The following STRN variants were observed in gnomAD, a reference collection of about 807,000 sequenced individuals.
STRN encodes the protein striatin.
Under a neutral mutation model 96.3 loss-of-function variants are expected in STRN, and 53 were observed. The ratio of observed to expected loss-of-function variants is 0.55; its 90% confidence interval spans 0.44 to 0.69. The LOEUF (loss-of-function observed/expected upper bound fraction) is 0.69. Among genes scored for constraint, STRN ranks in the 30% least tolerant of loss-of-function variants. The pLI, the probability that STRN is intolerant of heterozygous loss-of-function variation, is 0.00. For synonymous variants in STRN, 428 were observed against 355.9 expected (o/e 1.20, Z -2.28); for missense variants, 987 against 963.9 (o/e 1.02, Z -0.32).
chr2:36,909,213 T>G (rs1051629062), intron 3 of STRN, among the ~76,000 whole-genome samples: 3 of 150,510 alleles, frequency 2.0e-5, no homozygotes, highest in African/African-American at 7.3e-5. Flanking sequence ...GTCAAATAGC[T>G]CTTATATTTC....
At chr2:36,919,987 T>C (rs1411591493) in intron 2 of STRN, among the ~76,000 whole-genome samples, 1 of 152,210 alleles carries the variant, frequency 6.6e-6, no homozygotes, top group Non-Finnish European at 1.5e-5. Context: ...GGTTTTACTT[T>C]TGGATCCTAA....
In STRN at chr2:36,902,664, G is replaced by C; in HGVS notation, c.579C>G (p.Val193=). The C allele has an allele frequency of 6.2e-7, 1 of 1,612,222 alleles. No homozygotes were observed. Among genetic ancestry groups the C allele is most frequent in the Non-Finnish European group, 8.5e-7 (1 of 1,178,704 alleles). The part of the protein sequence containing the change: ...VRALLGFSSD[V]TDREDDKNQD... ...GATTTTTGTCATCTTCCCTGTCCGT[G>C]ACATCACTTGAAAAGCCCAACAAAG... The change falls in exon 5 of 18, where the codon GTC becomes GTG. Residue 193 remains valine, a synonymous_variant. Transcript: ENST00000263918.
Position 36,883,683 on chromosome 2 carries a change from T to G in STRN, c.1186+249A>C, listed in dbSNP as rs1380379975. On this transcript the variant is annotated intron_variant, in intron 9 of 17. Transcript: ENST00000263918. ...GTATATATAGGGCCATGGGCATCAGTGGAGCCAGCGGATATTTTAAACCAG... is the reference window on the plus strand; with the variant it reads ...GTATATATAGGGCCATGGGCATCAGGGGAGCCAGCGGATATTTTAAACCAG... 3.9e-5 allele frequency among the ~76,000 whole-genome samples: 6 copies of G among 152,208 alleles called. No individual in the cohort carries two copies. The East Asian group carries it at 1.2e-3, about 29-fold the overall frequency.
At chr2:36,866,672 T>C (rs1217416482) in intron 12 of STRN, among the ~76,000 whole-genome samples, 2 of 152,216 alleles carry the variant, frequency 1.3e-5, no homozygotes, top group African/African-American at 4.8e-5. Context: ...ATAAATCTTT[T>C]TGACAGTCTC....
At chr2:36,873,352 C>T (rs746841042) in intron 10 of STRN, among the ~76,000 whole-genome samples, 1 of 152,074 alleles carries the variant, frequency 6.6e-6, no homozygotes, top group African/African-American at 2.4e-5. Context: ...TGAGCAGAAA[C>T]AACACATAAC....
chr2:36,924,157 C>A (rs1670338681), intron 2 of STRN, among the ~76,000 whole-genome samples: 1 of 152,092 alleles, frequency 6.6e-6, no homozygotes, highest in South Asian at 2.1e-4. Flanking sequence ...GAGATCAAGA[C>A]CATCCTGGCT....
At chr2:36,900,277 C>T (rs1042079363) in intron 5 of STRN, among the ~76,000 whole-genome samples, 1 of 152,102 alleles carries the variant, frequency 6.6e-6, no homozygotes, top group African/African-American at 2.4e-5. Flanking sequence ...TAATGTATTT[C>T]ATTTTAAAAA....
intron 1 of STRN, among the ~76,000 whole-genome samples, chr2:36,937,051 A>G (rs1670718217): frequency 6.6e-6 from 1 of 152,206 alleles, no homozygotes; most frequent in Admixed American, 6.5e-5. Context: ...CTCAGTTAAA[A>G]AGAAAAAGAG....
chr2:36,947,780 T>A (rs984195800), intron 1 of STRN, among the ~76,000 whole-genome samples: 1 of 151,838 alleles, frequency 6.6e-6, no homozygotes, highest in Admixed American at 6.6e-5. Flanking sequence ...TTAAAAAGTT[T>A]AACATTCTGT....
intron 10 of STRN, among the ~76,000 whole-genome samples, chr2:36,874,026 C>T (rs376390684): frequency 6.0e-5 from 9 of 150,478 alleles, no homozygotes; most frequent in East Asian, 2.0e-4. Flanking sequence ...GAGGCTGAGG[C>T]GGGTGGATCA....
intron 7 of STRN, 73 bp downstream of exon 7, chr2:36,893,825 T>C: frequency 1.3e-6 from 2 of 1,502,328 alleles, no homozygotes; most frequent in Non-Finnish European, 1.8e-6. Flanking sequence ...AGTTAAGATG[T>C]TGCCCTCCTG....
rs935251372 is a variant in STRN at position 36,847,668 on chromosome 2, T to C, written c.*1788A>G. 8.5e-5 allele frequency: 13 copies of C among 152,144 alleles called. No individual in the cohort carries two copies. The highest frequency in any genetic ancestry group is 3.1e-4 in the African/African-American group (13 of 41,452). The allele number at this position is 152,144 out of a possible 1,614,324, so 9.4% of individuals were successfully genotyped here. On this transcript the variant is annotated 3_prime_UTR_variant, in exon 18 of 18. Transcript: ENST00000263918. ...TATCTGTATGAAAATCAGGCAAATTTAGCACAAGTCTCTAGCTTTAAAGAA... is the reference window on the plus strand; with the variant it reads ...TATCTGTATGAAAATCAGGCAAATTCAGCACAAGTCTCTAGCTTTAAAGAA...
chr2:36,908,348 C>G (rs1298554657), intron 3 of STRN, among the ~76,000 whole-genome samples: 1 of 152,134 alleles, frequency 6.6e-6, no homozygotes, highest in Non-Finnish European at 1.5e-5. Context: ...GAATACTACT[C>G]AAGAAGAACA....
rs1667900719 is a variant in STRN at position 36,839,664 on chromosome 2, C to G, written c.*9792G>C. On this transcript the variant is annotated 3_prime_UTR_variant, in exon 18 of 18. Coordinates refer to ENST00000263918, the MANE Select transcript of STRN (RefSeq NM_003162.4). ...TAAAATCTAACAGACAATAAATGTCCTATTGTCCAGGCCAAATTCCTGCTT... is the reference window on the plus strand; with the variant it reads ...TAAAATCTAACAGACAATAAATGTCGTATTGTCCAGGCCAAATTCCTGCTT... Among the ~76,000 whole-genome samples the G allele has an allele frequency of 6.6e-6, 1 of 152,114 alleles. No individual in the cohort carries two copies.
intron 9 of STRN, among the ~76,000 whole-genome samples, chr2:36,880,980 T>C (rs1669053798): frequency 6.6e-6 from 1 of 152,146 alleles, no homozygotes; most frequent in Non-Finnish European, 1.5e-5. Context: ...TGTTACCTGA[T>C]TGTTCCTAAG....
intron 16 of STRN, 28 bp from the exon 17 acceptor site, chr2:36,849,828 A>T: frequency 3.1e-6 from 5 of 1,603,582 alleles, no homozygotes; most frequent in African/African-American, 1.3e-5. Context: ...GTTACTCCTT[A>T]TTAATGCCTT....
intron 1 of STRN, among the ~76,000 whole-genome samples, chr2:36,932,354 C>T (rs1256768554): frequency 2.0e-5 from 3 of 152,064 alleles, no homozygotes; most frequent in Non-Finnish European, 2.9e-5. Context: ...AGGGTTTCAC[C>T]GTGTTGGCCA....
At chr2:36,863,012 C>T (rs1668532287) in intron 12 of STRN, among the ~76,000 whole-genome samples, 1 of 152,126 alleles carries the variant, frequency 6.6e-6, no homozygotes. Context: ...CGTGAGCCAC[C>T]GCACCTGGCC....
chr2:36,932,484 C>T (rs1398949704), intron 1 of STRN, among the ~76,000 whole-genome samples: 1 of 152,098 alleles, frequency 6.6e-6, no homozygotes, highest in Non-Finnish European at 1.5e-5. Context: ...ACTAGTCAGT[C>T]TCCTGAAATT....
Sources: gnomAD v4.1 joint callset for allele counts (sites outside exome capture counted in the v4.1 genomes callset) on GRCh38, gnomAD v4.1.1 for gene constraint, MANE v1.5 for transcripts, NCBI Gene and HGNC (gene_info 2026-07-23, HGNC 2026-07-21) for gene names.